MICAL3: variants seen among roughly 807,000 people sequenced by gnomAD.
MICAL3 encodes the protein microtubule associated monooxygenase, calponin and LIM domain containing 3, also known as [F-actin]-monooxygenase MICAL3.
Under a neutral mutation model 207.4 loss-of-function variants are expected in MICAL3, and 62 were observed. The observed-to-expected ratio is 0.30, with a 90% CI of 0.24 to 0.37. The LOEUF is 0.37. MICAL3 is among the 10% of genes least tolerant of loss of function. MICAL3 has a pLI of 1.00. For missense variants in MICAL3, 2,368 were observed against 2,635.6 expected (o/e 0.90, Z 2.22); for synonymous variants, 1,077 against 1,069.3 (o/e 1.01, Z -0.14).
chr22:17,864,655 C>T, intron 19 of MICAL3: 1 of 1,599,328 alleles, frequency 6.3e-7, no homozygotes, highest in Non-Finnish European at 8.5e-7. Context: ...ACGGCCCCAT[C>T]ACTGGGCCAC....
chr22:17,960,933 G>T (rs5992917), intron 1 of MICAL3, among the ~76,000 whole-genome samples: 30,403 of 152,132 alleles, frequency 0.2, 3,197 homozygotes, highest in Middle Eastern at 0.27. Context: ...GCAGGGCAAC[G>T]AGACGGTGCG....
chr22:17,886,540 C>T (rs1179212200), intron 15 of MICAL3, among the ~76,000 whole-genome samples: 4 of 152,132 alleles, frequency 2.6e-5, no homozygotes, highest in African/African-American at 4.8e-5. Context: ...TGTGGTGGCT[C>T]ATGCCTATAA....
chr22:17,994,569 C>T (rs1241658319), intron 1 of MICAL3, among the ~76,000 whole-genome samples: 3 of 151,996 alleles, frequency 2.0e-5, no homozygotes, highest in African/African-American at 4.8e-5. Flanking sequence ...AAAAATTAGT[C>T]GGGTGTGGTG....
chr22:17,826,603 A>G (rs1460359114), intron 22 of MICAL3: 1 of 669,860 alleles, frequency 1.5e-6, no homozygotes, highest in Non-Finnish European at 1.8e-6. Context: ...TAAAATCCCA[A>G]AGAGAAAGAA....
At chr22:18,001,119 C>T (rs1602385522) in intron 1 of MICAL3, 1 of 152,200 alleles carries the variant, frequency 6.6e-6, no homozygotes, top group South Asian at 2.1e-4. Context: ...GGGAGGTGAC[C>T]ACACGGGAAC....
At chr22:17,905,139 T>C (rs1272894445) in intron 2 of MICAL3, among the ~76,000 whole-genome samples, 1 of 152,230 alleles carries the variant, frequency 6.6e-6, no homozygotes, top group East Asian at 1.9e-4. Flanking sequence ...TAAGTGGCCA[T>C]CATCTCAACA....
chr22:17,836,658 T>TG lies in MICAL3; in HGVS notation c.2802-4552_2802-4551insC, dbSNP rs560751779. ...GAAGTTCCTGGGTGGTTTTTTTTTT[T>TG]TTTTGAGATGGAGTCTTGCTCTGTC... On this transcript the variant is annotated intron_variant, in intron 20 of 31. Transcript: ENST00000441493. Among the ~76,000 whole-genome samples, 14 of 151,662 alleles carry TG rather than the reference T, an allele frequency of 9.2e-5. No individual in the cohort carries two copies. In the South Asian group the frequency reaches 2.9e-3, roughly 32 times the overall value.
At chr22:17,978,183 A>G (rs1305398945) in intron 1 of MICAL3, among the ~76,000 whole-genome samples, 1 of 152,262 alleles carries the variant, frequency 6.6e-6, no homozygotes, top group Non-Finnish European at 1.5e-5. Flanking sequence ...TGTGGTGCAT[A>G]CATAAAATGG....
At position 17,910,476 on chromosome 22, in the gene MICAL3, G is replaced by A. The variant is rs117750227; in HGVS notation, c.-74-3590C>T. Among the ~76,000 whole-genome samples the A allele has an allele frequency of 1.4e-4, 22 of 152,344 alleles. No individual in the cohort carries two copies. In the East Asian group the frequency reaches 1.7e-3, roughly 12 times the overall value. On this transcript the variant is annotated intron_variant, in intron 1 of 31. Transcript: ENST00000441493. ...ACAGATGTCAGCCACAGCTCCCAGA[G>A]AGCTGCAGAGCCAACCAGCAGGCAA...
chr22:17,801,148 CTTTTTTTTT>C (rs978301664), intron 29 of MICAL3, among the ~76,000 whole-genome samples: 2 of 91,896 alleles, frequency 2.2e-5, no homozygotes, highest in Admixed American at 1.0e-4. Flanking sequence ...TTTCCTTTTT[CTTTTTTTTT>C]TTTTTTTTTT....
intron 15 of MICAL3, among the ~76,000 whole-genome samples, chr22:17,886,480 A>G (rs1929880253): frequency 6.6e-6 from 1 of 152,188 alleles, no homozygotes; most frequent in Non-Finnish European, 1.5e-5. Context: ...CAGCCTGGAC[A>G]ACACGGTAAA....
intron 15 of MICAL3, among the ~76,000 whole-genome samples, chr22:17,886,538 C>G (rs1239985997): frequency 6.6e-6 from 1 of 152,134 alleles, no homozygotes; most frequent in Non-Finnish European, 1.5e-5. Context: ...GGTGTGGTGG[C>G]TCATGCCTAT....
intron 1 of MICAL3, among the ~76,000 whole-genome samples, chr22:17,937,567 G>A (rs1215486417): frequency 6.6e-6 from 1 of 152,362 alleles, no homozygotes; most frequent in Admixed American, 6.5e-5. Flanking sequence ...GGAGGCTGAG[G>A]CAGACGAATC....
intron 16 of MICAL3, chr22:17,881,328 GAGAGAA>G: frequency 6.4e-7 from 1 of 1,569,040 alleles, no homozygotes; most frequent in Non-Finnish European, 8.7e-7. Flanking sequence ...GACACAAACA[GAGAGAA>G]CATCATTCAA....
intron 1 of MICAL3, among the ~76,000 whole-genome samples, chr22:17,990,356 T>TC (rs750169107): frequency 1.3e-3 from 201 of 152,230 alleles, no homozygotes; most frequent in Non-Finnish European, 1.9e-3. Context: ...CTGAAGACTG[T>TC]CTCTGGATGA....
intron 19 of MICAL3, among the ~76,000 whole-genome samples, chr22:17,851,700 G>C (rs764466956): frequency 5.9e-5 from 9 of 152,350 alleles, no homozygotes; most frequent in Admixed American, 1.3e-4. Flanking sequence ...GCCGCCTCAT[G>C]AAAAGGGCAA....
intron 19 of MICAL3, chr22:17,858,538 T>C: frequency 1.1e-6 from 1 of 924,632 alleles, no homozygotes; most frequent in Non-Finnish European, 1.3e-6. Flanking sequence ...CGGGGAGCAC[T>C]TGTGGGACCG....
chr22:17,937,467 C>T (rs1215517846), intron 1 of MICAL3, among the ~76,000 whole-genome samples: 1 of 152,134 alleles, frequency 6.6e-6, no homozygotes, highest in Non-Finnish European at 1.5e-5. Flanking sequence ...AGTTCAAGAC[C>T]AGCCTGACCA....
At chr22:17,869,446 A>G (rs925943049) in intron 17 of MICAL3, among the ~76,000 whole-genome samples, 5 of 152,118 alleles carry the variant, frequency 3.3e-5, no homozygotes, top group African/African-American at 1.2e-4. Context: ...CTGTGGAGGT[A>G]GCGTATGTCT....
Sources: gnomAD v4.1 joint callset for allele counts (sites outside exome capture counted in the v4.1 genomes callset) on GRCh38, gnomAD v4.1.1 for gene constraint, MANE v1.5 for transcripts, NCBI Gene and HGNC (gene_info 2026-07-23, HGNC 2026-07-21) for gene names.